LPCAT2: variants seen among roughly 807,000 people sequenced by gnomAD.
LPCAT2 encodes 1-AGP acyltransferase 11.
LPCAT2 carries 58 observed loss-of-function variants against 64.7 expected under a neutral mutation model. That is an observed-to-expected ratio of 0.90 (90% CI 0.73 to 1.12). The LOEUF (loss-of-function observed/expected upper bound fraction) is 1.12. LPCAT2 is among the 50% of genes most tolerant of loss of function. The probability of loss-of-function intolerance (pLI) is 0.00; values close to 1 mark genes in which losing one functional copy is unlikely to be tolerated. For missense variants in LPCAT2, 579 were observed against 669.8 expected (o/e 0.86, Z 1.50); for synonymous variants, 252 against 245.3 (o/e 1.03, Z -0.26).
intron 1 of LPCAT2, among the ~76,000 whole-genome samples, chr16:55,521,559 A>G (rs1186067894): frequency 6.6e-6 from 1 of 151,786 alleles, no homozygotes; most frequent in South Asian, 2.1e-4. Context: ...CCTCATGATC[A>G]TAGCTAAAAG....
intron 10 of LPCAT2, among the ~76,000 whole-genome samples, chr16:55,549,698 C>G (rs1327783848): frequency 3.3e-5 from 5 of 152,170 alleles, no homozygotes; most frequent in Non-Finnish European, 7.3e-5. Context: ...AGAAGTTAGT[C>G]CTGCCACCTT....
chr16:55,546,394 C>T (rs958193257), intron 9 of LPCAT2, among the ~76,000 whole-genome samples: 3 of 152,160 alleles, frequency 2.0e-5, no homozygotes, highest in South Asian at 4.2e-4. Flanking sequence ...TATACTATAC[C>T]ACCACCCAGG....
In LPCAT2 at chr16:55,532,827, C is replaced by A; in HGVS notation, c.707C>A (p.Ala236Asp). The change falls in exon 6 of 14, where the codon GCC becomes GAC. Residue 236 changes from alanine to aspartate, a missense_variant. By Grantham distance (126) the Ala-to-Asp change is moderately radical. Transcript: ENST00000262134. ...TAAACTTTCAATGTGGTTGCAGGAG[C>A]CTTCATTCCAGGAGTTCCAGTGCAG... The part of the protein sequence containing the change: ...RSCLITFKPG[A>D]FIPGVPVQPV... 3.7e-6 allele frequency: 6 copies of A among 1,610,938 alleles called. No homozygotes were observed. Among genetic ancestry groups the A allele is most frequent in the Non-Finnish European group, 5.1e-6 (6 of 1,177,758 alleles).
chr16:55,534,370 A>G (rs75880725), intron 6 of LPCAT2, 73 bp from the exon 7 acceptor site: 2 of 894,368 alleles, frequency 2.2e-6, no homozygotes, highest in African/African-American at 1.7e-5. Context: ...GAATCCCCAT[A>G]TTAAAATAAG....
At chr16:55,567,340 G>A (rs1303009471) in intron 11 of LPCAT2, 22 of 1,613,508 alleles carry the variant, frequency 1.4e-5, no homozygotes, top group Middle Eastern at 1.6e-4. Flanking sequence ...ATGATTGTCC[G>A]CCGGTATGCT....
rs1185718710 is a variant in LPCAT2, at chr16:55,529,893, A to G, written c.588A>G (p.Lys196=). The G allele has an allele frequency of 9.8e-6, 15 of 1,531,846 alleles. No individual in the cohort carries two copies. Among genetic ancestry groups the G allele is most frequent in the Non-Finnish European group, 1.3e-5 (15 of 1,139,534 alleles). The allele number at this position is 1,531,846 out of a possible 1,614,324, so 94.9% of individuals were successfully genotyped here. Residue 196 remains lysine (K), a synonymous_variant, in exon 4 of 14, where the codon AAA becomes AAG. Transcript: ENST00000262134. Reference sequence around the variant, plus strand: ...CCCGTGTAGATCCGGATTCCCGAAAAAACACAATAAATGAAATAATAAAGC... The same window carrying G: ...CCCGTGTAGATCCGGATTCCCGAAAGAACACAATAAATGAAATAATAAAGC... ...LVSRVDPDSR[K]NTINEIIKRT... is the part of the protein sequence containing the mutation.
At chr16:55,562,520 A>G (rs1344473494) in intron 11 of LPCAT2, among the ~76,000 whole-genome samples, 33 of 151,936 alleles carry the variant, frequency 2.2e-4, no homozygotes, top group Admixed American at 2.0e-3. Flanking sequence ...GAGGAATTCA[A>G]TGAAACCTAA....
In LPCAT2 at chr16:55,585,779, T is replaced by G. The variant is rs1002928787; in HGVS notation, c.*2681T>G. Reference sequence around the variant, plus strand: ...TAATGCATATTTAAAGGAGACTGCCTCGCTTTTAGAAGACATCTGGTCTGC... The same window carrying G: ...TAATGCATATTTAAAGGAGACTGCCGCGCTTTTAGAAGACATCTGGTCTGC... On this transcript the variant is annotated 3_prime_UTR_variant, in exon 14 of 14. Transcript: ENST00000262134. The G allele has an allele frequency of 7.9e-5, 12 of 152,168 alleles. No homozygotes were observed. The highest frequency in any genetic ancestry group is 2.7e-4 in the African/African-American group (11 of 41,440). 9.4% of individuals were successfully genotyped at this position (152,168 alleles called of 1,614,324 possible).
Position 55,509,313 on chromosome 16 carries a change from C to A in LPCAT2, c.132C>A (p.Phe44Leu). 2.7e-6 allele frequency: 4 copies of A among 1,496,710 alleles called. No individual in the cohort carries two copies. Among genetic ancestry groups the A allele is most frequent in the Non-Finnish European group, 3.6e-6 (4 of 1,114,094 alleles). The allele number at this position is 1,496,710 out of a possible 1,614,324, so 92.7% of individuals were successfully genotyped here. Residue 44 changes from phenylalanine to leucine, a missense_variant, in exon 1 of 14, where the codon TTC (phenylalanine) becomes TTA (leucine). Physicochemically the swap from Phe to Leu is conservative, Grantham distance 22. Transcript: ENST00000262134. ...SFFPPPVPNP[F>L]VQQTQIGSAR... ...TCCCGCCGCCGGTGCCGAACCCCTT[C>A]GTGCAGCAGACGCAGATCGGCTCCG...
Position 55,585,588 on chromosome 16 carries a change from A to C in LPCAT2, c.*2490A>C, listed in dbSNP as rs1361432428. The C allele has an allele frequency of 6.6e-6, 1 of 152,240 alleles. No individual in the cohort carries two copies. Among genetic ancestry groups the C allele is most frequent in the African/African-American group, 2.4e-5 (1 of 41,454 alleles). 9.4% of individuals were successfully genotyped at this position (152,240 alleles called of 1,614,324 possible). A position where few individuals can be genotyped will look rare whatever the true frequency, so the allele number is the denominator to read the frequency against. The stretch of plus-strand genomic sequence containing the variant: ...AACTCTTTGAAGTGAGAAATATTAT[A>C]TCCTAAAACCTCTAAACCACAAACA... On this transcript the variant is annotated 3_prime_UTR_variant, in exon 14 of 14. Transcript: ENST00000262134.
rs371277752 is a variant in LPCAT2, at chr16:55,574,709, A to G, written c.1294A>G (p.Ile432Val). Residue 432 changes from isoleucine to valine, a missense_variant, in exon 12 of 14, where the codon ATC becomes GTC. Transcript: ENST00000262134. ...GTGCAACCCTTCCAACACAGAGGAG[A>G]TCATCCAGGTGGCATTTAAGGTACT... is the stretch of plus-strand genomic sequence containing the variant. ...VLCNPSNTEE[I>V]IQVAFKLFDV... 1.2e-6 allele frequency: 2 copies of G among 1,613,320 alleles called. No homozygotes were observed. Among genetic ancestry groups the G allele is most frequent in the African/African-American group, 2.7e-5 (2 of 74,858 alleles).
At chr16:55,572,899 TA>T (rs1288431352) in intron 11 of LPCAT2, among the ~76,000 whole-genome samples, 5 of 152,082 alleles carry the variant, frequency 3.3e-5, no homozygotes, top group African/African-American at 1.2e-4. Context: ...TGGTTGAATG[TA>T]AATGTAATCA....
chr16:55,513,754 G>A (rs1252932616), intron 1 of LPCAT2, among the ~76,000 whole-genome samples: 2 of 152,206 alleles, frequency 1.3e-5, no homozygotes, highest in East Asian at 1.9e-4. Context: ...GAAAAATAGT[G>A]TTGGAGCATT....
chr16:55,578,284 A>G (rs1963850581), intron 12 of LPCAT2, among the ~76,000 whole-genome samples: 1 of 152,166 alleles, frequency 6.6e-6, no homozygotes, highest in African/African-American at 2.4e-5. Flanking sequence ...TCCTAAAATG[A>G]TATTCTGAAT....
chr16:55,568,204 T>C (rs1963729403), intron 11 of LPCAT2, among the ~76,000 whole-genome samples: 1 of 152,166 alleles, frequency 6.6e-6, no homozygotes, highest in African/African-American at 2.4e-5. Context: ...GTCAAAGACA[T>C]TGAGGAATAA....
At chr16:55,516,042 T>G (rs978049703) in intron 1 of LPCAT2, among the ~76,000 whole-genome samples, 44 of 152,194 alleles carry the variant, frequency 2.9e-4, no homozygotes, top group Admixed American at 1.4e-3. Flanking sequence ...CAATTAAAAT[T>G]AAGATTCACA....
At chr16:55,569,644 A>T (rs182372158) in intron 11 of LPCAT2, among the ~76,000 whole-genome samples, 1 of 152,282 alleles carries the variant, frequency 6.6e-6, no homozygotes, top group Non-Finnish European at 1.5e-5. Flanking sequence ...AAGTTGAGGG[A>T]TTACCTACTT....
intron 2 of LPCAT2, among the ~76,000 whole-genome samples, chr16:55,526,605 C>A (rs1363114208): frequency 6.6e-6 from 1 of 152,062 alleles, no homozygotes; most frequent in Non-Finnish European, 1.5e-5. Flanking sequence ...CTGGCAATGC[C>A]CCAGAGAAAT....
intron 6 of LPCAT2, among the ~76,000 whole-genome samples, chr16:55,533,518 C>G (rs1250687170): frequency 7.2e-6 from 1 of 139,704 alleles, no homozygotes; most frequent in Non-Finnish European, 1.5e-5. Flanking sequence ...TCAAGTGATT[C>G]TCTCCTTTCT....
Sources: gnomAD v4.1 joint callset for allele counts (sites outside exome capture counted in the v4.1 genomes callset) on GRCh38, gnomAD v4.1.1 for gene constraint, MANE v1.5 for transcripts, NCBI Gene and HGNC (gene_info 2026-07-23, HGNC 2026-07-21) for gene names.